The following L3MBTL4 variants were observed in gnomAD, a reference collection of about 807,000 sequenced individuals.
L3MBTL4 encodes the protein L3MBTL histone methyl-lysine binding protein 4.
In L3MBTL4, 70 loss-of-function variants were observed where a neutral mutation model predicts 84.5. The observed-to-expected ratio is 0.83, with a 90% confidence interval of 0.68 to 1.01. The LOEUF (loss-of-function observed/expected upper bound fraction) is 1.01. Among genes scored for constraint, L3MBTL4 ranks in the 50% least tolerant of loss-of-function variants. L3MBTL4 has a pLI of 0.00. For missense variants in L3MBTL4, 715 were observed against 754.8 expected, an observed-to-expected ratio of 0.95 and a Z score of 0.62; for synonymous variants, 274 against 259.8, an observed-to-expected ratio of 1.05 and a Z score of -0.52.
At chr18:5,992,270 C>T (rs909995766) in intron 16 of L3MBTL4, among the ~76,000 whole-genome samples, 4 of 152,066 alleles carry the variant, frequency 2.6e-5, no homozygotes, top group African/African-American at 4.8e-5. Flanking sequence ...GTTAGGCAGA[C>T]GGGGCTTGAG....
intron 16 of L3MBTL4, among the ~76,000 whole-genome samples, chr18:6,003,726 TAA>T (rs1409563414): frequency 6.6e-6 from 1 of 152,012 alleles, no homozygotes; most frequent in Non-Finnish European, 1.5e-5. Flanking sequence ...TAGGTGAAAT[TAA>T]AAGTCAATAA....
chr18:6,073,431 A>AT (rs1233158329), intron 16 of L3MBTL4, among the ~76,000 whole-genome samples: 2 of 152,208 alleles, frequency 1.3e-5, no homozygotes, highest in Non-Finnish European at 2.9e-5. Context: ...AATTCTTTCA[A>AT]TAAAAAAAAC....
At position 5,956,302 on chromosome 18, in the gene L3MBTL4, A is replaced by G; in HGVS notation, c.1763T>C (p.Ile588Thr). ...CCTGAACATCAGGATAGAGTTGTAA[A>G]TCTTCAGTGCTGGGCCCAGTTTGAT... is the stretch of plus-strand genomic sequence containing the variant. Reference protein sequence around the residue: ...MKIKLGPALKIYNSILMFRHS... With the variant: ...MKIKLGPALKTYNSILMFRHS... Residue 588 changes from isoleucine (I) to threonine (T), a missense_variant, in exon 19 of 19, where the codon ATT (isoleucine) becomes ACT (threonine). Physicochemically the swap from Ile to Thr is moderately conservative, Grantham distance 89. Coordinates refer to ENST00000317931, the MANE Select transcript of L3MBTL4 (RefSeq NM_001330559.2). 6.2e-7 allele frequency: 1 copy of G among 1,614,138 alleles called. No individual in the cohort carries two copies.
chr18:6,322,333 G>C (rs2051449149), intron 1 of L3MBTL4, among the ~76,000 whole-genome samples: 1 of 150,428 alleles, frequency 6.6e-6, no homozygotes, highest in African/African-American at 2.5e-5. Context: ...GTGAGACCCT[G>C]TCTCAAAAAA....
intron 16 of L3MBTL4, chr18:6,025,113 G>A (rs987169579): frequency 2.0e-5 from 3 of 152,100 alleles, no homozygotes; most frequent in Non-Finnish European, 2.9e-5. Context: ...ATTTTGCAGA[G>A]AGCATGAGAA....
At chr18:6,112,008 C>T (rs749140552) in intron 14 of L3MBTL4, among the ~76,000 whole-genome samples, 7 of 152,162 alleles carry the variant, frequency 4.6e-5, no homozygotes, top group Non-Finnish European at 7.4e-5. Context: ...AATCACCTTT[C>T]TACCCTCTGC....
chr18:6,095,410 C>T (rs1392848501), intron 14 of L3MBTL4, among the ~76,000 whole-genome samples: 1 of 140,580 alleles, frequency 7.1e-6, no homozygotes, highest in Non-Finnish European at 1.5e-5. Context: ...TGCAGTGGTG[C>T]GATGATCTCG....
At chr18:5,972,686 G>A (rs2052696588) in intron 16 of L3MBTL4, among the ~76,000 whole-genome samples, 1 of 152,174 alleles carries the variant, frequency 6.6e-6, no homozygotes, top group African/African-American at 2.4e-5. Context: ...TTTGGGGCGG[G>A]ATAGTCAGGT....
intron 4 of L3MBTL4, among the ~76,000 whole-genome samples, chr18:6,282,028 G>A (rs1447000430): frequency 6.6e-6 from 1 of 152,162 alleles, no homozygotes; most frequent in East Asian, 1.9e-4. Context: ...CCTGCTGAAA[G>A]CTTCAAAGTC....
At chr18:6,184,880 G>A (rs1370184842) in intron 12 of L3MBTL4, among the ~76,000 whole-genome samples, 1 of 152,062 alleles carries the variant, frequency 6.6e-6, no homozygotes. Flanking sequence ...AATCAGCTAA[G>A]GAAAAAAATG....
chr18:6,063,375 G>C (rs1410169618), intron 16 of L3MBTL4, among the ~76,000 whole-genome samples: 1 of 148,832 alleles, frequency 6.7e-6, no homozygotes, highest in Non-Finnish European at 1.5e-5. Flanking sequence ...CCTTTGGGTA[G>C]ATACCCAGTA....
chr18:6,023,667 T>C (rs936027444), intron 16 of L3MBTL4, among the ~76,000 whole-genome samples: 1 of 152,172 alleles, frequency 6.6e-6, no homozygotes, highest in Non-Finnish European at 1.5e-5. Flanking sequence ...GGAAGAGGTA[T>C]TTAAAGTAAT....
intron 15 of L3MBTL4, among the ~76,000 whole-genome samples, chr18:6,092,290 CATGTGAA>C (rs2058485404): frequency 6.6e-6 from 1 of 152,158 alleles, no homozygotes; most frequent in South Asian, 2.1e-4. Flanking sequence ...ATGTAAAACC[CATGTGAA>C]AAGTGTATCC....
Position 6,213,261 on chromosome 18 carries a change from T to A in L3MBTL4, c.871-2A>T. On this transcript the variant is annotated splice_acceptor_variant, in intron 11 of 18. Transcript: ENST00000317931. LOFTEE classifies it high-confidence loss of function. ...TGGCAGAAAACCATGAGGCAACCTC[T>A]GTAAATGTTATTATAAGTACAACAA... is the stretch of plus-strand genomic sequence containing the variant. The A allele has an allele frequency of 6.5e-7, 1 of 1,550,004 alleles. No individual in the cohort carries two copies. Among genetic ancestry groups the A allele is most frequent in the Non-Finnish European group, 8.8e-7 (1 of 1,136,562 alleles).
chr18:6,134,394 T>C (rs2059967985), intron 14 of L3MBTL4, among the ~76,000 whole-genome samples: 2 of 152,102 alleles, frequency 1.3e-5, no homozygotes, highest in Admixed American at 1.3e-4. Flanking sequence ...TTCCCAACAG[T>C]TCCCCAAAGT....
chr18:6,342,298 A>C (rs1213382326), intron 1 of L3MBTL4, among the ~76,000 whole-genome samples: 4 of 152,188 alleles, frequency 2.6e-5, no homozygotes, highest in Non-Finnish European at 5.9e-5. Context: ...TAAAAGGCAA[A>C]AGTATTAAAA....
chr18:5,991,368 C>T (rs1343393662), intron 16 of L3MBTL4, among the ~76,000 whole-genome samples: 3 of 152,144 alleles, frequency 2.0e-5, no homozygotes, highest in Non-Finnish European at 2.9e-5. Context: ...GCAAATGAGT[C>T]GTTTAGGGAA....
At position 6,287,675 on chromosome 18, in the gene L3MBTL4, T is replaced by C. The variant is rs560682767; in HGVS notation, c.127+14228A>G. Among the ~76,000 whole-genome samples the C allele has an allele frequency of 1.6e-4, 25 of 152,328 alleles. 1 individual carries two copies. In the South Asian group the frequency reaches 4.6e-3, roughly 28 times the overall value. ...CAAAGAGTCAAGACCAAGAAAATAC[T>C]ATGCAGACCTTGGTAGGCTAACTCT... On this transcript the variant is annotated intron_variant, in intron 4 of 18. Coordinates refer to ENST00000317931, the MANE Select transcript of L3MBTL4 (RefSeq NM_001330559.2).
intron 1 of L3MBTL4, among the ~76,000 whole-genome samples, chr18:6,322,640 T>G (rs2051487248): frequency 6.6e-6 from 1 of 151,688 alleles, no homozygotes; most frequent in African/African-American, 2.4e-5. Context: ...ATAAAGAAAA[T>G]GAGGTACATA....
Sources: gnomAD v4.1 joint callset for allele counts (sites outside exome capture counted in the v4.1 genomes callset) on GRCh38, gnomAD v4.1.1 for gene constraint, MANE v1.5 for transcripts, NCBI Gene and HGNC (gene_info 2026-07-23, HGNC 2026-07-21) for gene names.